The following PLXNA4 variants were observed in gnomAD, a reference collection of about 807,000 sequenced individuals.
PLXNA4 encodes plexin A4.
In PLXNA4, 44 loss-of-function variants were observed where a neutral mutation model predicts 191.8. That is an observed-to-expected ratio of 0.23 (90% confidence interval 0.18 to 0.29). PLXNA4 has a LOEUF of 0.29. PLXNA4 is among the 10% of genes least tolerant of loss of function. PLXNA4 has a pLI of 1.00. For missense variants in PLXNA4, 1,800 were observed against 2,488.8 expected, an observed-to-expected ratio of 0.72 and a Z score of 5.89; for synonymous variants, 1,082 against 1,009.5, an observed-to-expected ratio of 1.07 and a Z score of -1.36.
At chr7:132,463,999 A>T (rs1796608822) in intron 3 of PLXNA4, among the ~76,000 whole-genome samples, 1 of 152,228 alleles carries the variant, frequency 6.6e-6, no homozygotes, top group South Asian at 2.1e-4. Context: ...GCTGTCAGCA[A>T]AATGAATAAA....
intron 2 of PLXNA4, among the ~76,000 whole-genome samples, chr7:132,641,465 A>G (rs959748196): frequency 3.9e-5 from 6 of 152,144 alleles, no homozygotes; most frequent in African/African-American, 1.4e-4. Flanking sequence ...GGCTCTATCC[A>G]TATGACCTTA....
intron 3 of PLXNA4, among the ~76,000 whole-genome samples, chr7:132,314,660 C>T (rs774486545): frequency 2.0e-5 from 3 of 152,208 alleles, no homozygotes; most frequent in Admixed American, 6.5e-5. Context: ...GAGGTCCTCA[C>T]GGAGGTTCCA....
chr7:132,557,986 T>A (rs1026553936), intron 1 of PLXNA4, among the ~76,000 whole-genome samples: 1 of 152,160 alleles, frequency 6.6e-6, no homozygotes. Flanking sequence ...CAGAGGGAAC[T>A]GCAAATGTGT....
intron 1 of PLXNA4, among the ~76,000 whole-genome samples, chr7:132,543,472 A>G (rs1214718238): frequency 2.0e-5 from 3 of 152,184 alleles, no homozygotes; most frequent in African/African-American, 2.4e-5. Context: ...CCACCTTACT[A>G]GCTTTCATAT....
intron 3 of PLXNA4, among the ~76,000 whole-genome samples, chr7:132,451,810 T>A (rs1391181502): frequency 2.0e-5 from 3 of 152,194 alleles, no homozygotes; most frequent in Non-Finnish European, 4.4e-5. Flanking sequence ...CAGGAGTGAT[T>A]GGCACAGGGA....
intron 3 of PLXNA4, among the ~76,000 whole-genome samples, chr7:132,414,964 A>C (rs564937395): frequency 4.6e-5 from 7 of 151,930 alleles, no homozygotes; most frequent in African/African-American, 1.7e-4. Flanking sequence ...GGAATCCACA[A>C]CCTCCTATCC....
intron 3 of PLXNA4, among the ~76,000 whole-genome samples, chr7:132,370,232 C>G (rs566481882): frequency 6.6e-6 from 1 of 152,148 alleles, no homozygotes. Context: ...ACATTCCTCC[C>G]GAAATGCTGT....
intron 21 of PLXNA4, among the ~76,000 whole-genome samples, chr7:132,169,298 C>T (rs976441244): frequency 1.3e-5 from 2 of 152,200 alleles, no homozygotes; most frequent in Non-Finnish European, 2.9e-5. Context: ...ATTGTCTGTT[C>T]ATTGGGAGAT....
intron 3 of PLXNA4, among the ~76,000 whole-genome samples, chr7:132,434,800 G>A (rs985346328): frequency 6.6e-6 from 1 of 152,314 alleles, no homozygotes. Context: ...GCACAGCCTT[G>A]ACGGGTACAG....
At chr7:132,277,867 G>A (rs1202626097) in intron 4 of PLXNA4, among the ~76,000 whole-genome samples, 1 of 152,116 alleles carries the variant, frequency 6.6e-6, no homozygotes, top group Non-Finnish European at 1.5e-5. Context: ...TGCTGTTGTG[G>A]CCAAAGCAAC....
intron 3 of PLXNA4, among the ~76,000 whole-genome samples, chr7:132,372,718 T>C (rs532704701): frequency 6.6e-6 from 1 of 152,326 alleles, no homozygotes; most frequent in African/African-American, 2.4e-5. Flanking sequence ...CAGCACCTAG[T>C]AGTGTCTGAC....
intron 1 of PLXNA4, among the ~76,000 whole-genome samples, chr7:132,567,967 G>C (rs1563179833): frequency 6.6e-6 from 1 of 152,124 alleles, no homozygotes; most frequent in African/African-American, 2.4e-5. Context: ...TGCATTTAGG[G>C]AGGAAGATAG....
chr7:132,581,646 T>C (rs1437158931), upstream of PLXNA4, among the ~76,000 whole-genome samples: 1 of 152,176 alleles, frequency 6.6e-6, no homozygotes, highest in Non-Finnish European at 1.5e-5. Flanking sequence ...CTGCTGGACA[T>C]GGCAAGCTCT....
At chr7:132,522,003 C>A (rs1185446878) in intron 1 of PLXNA4, among the ~76,000 whole-genome samples, 2 of 152,172 alleles carry the variant, frequency 1.3e-5, no homozygotes, top group Non-Finnish European at 2.9e-5. Context: ...ATCCCCCTTT[C>A]AGGACCTGCT....
rs1026193 is a variant in PLXNA4 at position 132,228,566 on chromosome 7, G to A, written c.1605-97C>T. ...AGGTGTTTCCAGCAGCTCCCAGGAT[G>A]TGTCCAAACTCAATGCGCCCAGAGC... On this transcript the variant is annotated intron_variant, in intron 5 of 31. Transcript: ENST00000321063. 3,100 of 1,510,806 alleles carry A rather than the reference G, an allele frequency of 2.1e-3. 55 individuals are homozygous for A. In the African/African-American group the frequency reaches 0.037, roughly 18 times the overall value. 93.6% of individuals were successfully genotyped at this position (1,510,806 alleles called of 1,614,324 possible).
intron 3 of PLXNA4, among the ~76,000 whole-genome samples, chr7:132,404,753 T>C (rs919868159): frequency 2.0e-5 from 3 of 152,186 alleles, no homozygotes; most frequent in African/African-American, 7.2e-5. Flanking sequence ...AGATAATTCA[T>C]GTAAAGTTCT....
At position 132,156,135 on chromosome 7, in the gene PLXNA4, T is replaced by C. The variant is rs867602379; in HGVS notation, c.4660+3338A>G. Among the ~76,000 whole-genome samples the C allele has an allele frequency of 6.9e-4, 92 of 133,060 alleles. 1 individual carries two copies. The highest frequency in any genetic ancestry group is 3.3e-3 in the East Asian group (15 of 4,530). 87.3% of individuals were successfully genotyped at this position (133,060 alleles called of 152,430 possible). On this transcript the variant is annotated intron_variant, in intron 25 of 31. Coordinates refer to ENST00000321063, the MANE Select transcript of PLXNA4 (RefSeq NM_020911.2). ...CTCTCTCTCTCTCTGTTTCTGGACA[T>C]ACACACACACACACACACACACACA...
chr7:132,507,884 G>C lies in PLXNA4; in HGVS notation c.810C>G (p.Thr270=), dbSNP rs546576499. The change falls in exon 2 of 32, where the codon ACC becomes ACG. Residue 270 remains threonine, a synonymous_variant. Transcript: ENST00000321063. ...QPEMVSPPGS[T]TKEQVYTSKL... The stretch of plus-strand genomic sequence containing the variant: ...TGGATGTATACACCTGCTCCTTGGT[G>C]GTGGAGCCTGGTGGAGACACCATCT... The C allele has an allele frequency of 2.2e-5, 36 of 1,614,174 alleles. No homozygotes were observed. In the South Asian group the frequency reaches 3.8e-4, roughly 17 times the overall value.
intron 4 of PLXNA4, among the ~76,000 whole-genome samples, chr7:132,287,893 C>T (rs532728270): frequency 2.6e-5 from 4 of 152,244 alleles, no homozygotes; most frequent in South Asian, 2.1e-4. Flanking sequence ...TTCATGGGGC[C>T]GAGGCTGGTT....
Sources: gnomAD v4.1 joint callset for allele counts (sites outside exome capture counted in the v4.1 genomes callset) on GRCh38, gnomAD v4.1.1 for gene constraint, MANE v1.5 for transcripts, NCBI Gene and HGNC (gene_info 2026-07-23, HGNC 2026-07-21) for gene names.